Variants in HSD17B12 observed in about 807,000 individuals in gnomAD.
HSD17B12 encodes the protein very-long-chain 3-oxoacyl-CoA reductase.
Under a neutral mutation model 39.3 loss-of-function variants are expected in HSD17B12, and 32 were observed. That is an observed-to-expected ratio of 0.81 (90% CI 0.61 to 1.09). HSD17B12 has a LOEUF of 1.09. HSD17B12 is among the 50% of genes least tolerant of loss of function. The pLI is 0.00. For missense variants in HSD17B12, 342 were observed against 382.9 expected (o/e 0.89, Z 0.89); for synonymous variants, 150 against 146.7 (o/e 1.02, Z -0.16).
the HSD17B12 span, among the ~76,000 whole-genome samples, chr11:43,593,672 A>G: frequency 2.6e-5 from 4 of 152,278 alleles, no homozygotes; most frequent in Middle Eastern, 0.01. Context: ...AAATATAATT[A>G]TAACCTTTAA....
At chr11:43,616,296 T>G in the HSD17B12 span, among the ~76,000 whole-genome samples, 1 of 151,742 alleles carries the variant, frequency 6.6e-6, no homozygotes, top group African/African-American at 2.4e-5. Context: ...TCATCCCAGC[T>G]ACTCTGGAGG....
At chr11:43,757,639 C>CAAAAAAAAAA (rs60598991) in intron 3 of HSD17B12, among the ~76,000 whole-genome samples, 1 of 7,206 alleles carries the variant, frequency 1.4e-4, no homozygotes, top group Non-Finnish European at 3.0e-4. Flanking sequence ...GACTCCGTCT[C>CAAAAAAAAAA]AAAAAAAAAA....
intron 9 of HSD17B12, among the ~76,000 whole-genome samples, chr11:43,844,375 C>T (rs1027216669): frequency 1.6e-4 from 25 of 151,940 alleles, no homozygotes; most frequent in African/African-American, 6.0e-4. Flanking sequence ...TAATCATTTC[C>T]TGGGAATGCA....
In HSD17B12 at chr11:43,715,914, A is replaced by G. The variant is rs537488277; in HGVS notation, c.160+34927A>G. On this transcript the variant is annotated intron_variant, in intron 1 of 10. Coordinates refer to ENST00000278353, the MANE Select transcript of HSD17B12 (RefSeq NM_016142.3). ...AGTCCTCCTGCTAGGTGATAGGTGTATCTGGGATTGAATTATGACTCTGAT... is the reference window on the plus strand; with the variant it reads ...AGTCCTCCTGCTAGGTGATAGGTGTGTCTGGGATTGAATTATGACTCTGAT... 1.8e-3 allele frequency among the ~76,000 whole-genome samples: 267 copies of G among 152,142 alleles called. 2 individuals are homozygous for G. Among genetic ancestry groups the G allele is most frequent in the Non-Finnish European group, 1.7e-3 (114 of 68,044 alleles).
the HSD17B12 span, among the ~76,000 whole-genome samples, chr11:43,619,229 A>ATATATATATATATAAATATATATATATT: frequency 8.0e-5 from 1 of 12,428 alleles, no homozygotes; most frequent in African/African-American, 2.3e-4. Flanking sequence ...TATATATATG[A>ATATATATATATATAAATATATATATATT]TATATATATA....
At chr11:43,652,761 G>A in the HSD17B12 span, among the ~76,000 whole-genome samples, 1 of 152,062 alleles carries the variant, frequency 6.6e-6, no homozygotes, top group Non-Finnish European at 1.5e-5. Flanking sequence ...CACCCTCCAG[G>A]AAACTTCACA....
intron 3 of HSD17B12, among the ~76,000 whole-genome samples, chr11:43,791,120 C>G (rs1950864138): frequency 6.6e-6 from 1 of 152,208 alleles, no homozygotes; most frequent in Non-Finnish European, 1.5e-5. Flanking sequence ...AGGCCAGCAA[C>G]CAGTTGAGTT....
At chr11:43,605,362 G>A in the HSD17B12 span, among the ~76,000 whole-genome samples, 1 of 152,028 alleles carries the variant, frequency 6.6e-6, no homozygotes, top group African/African-American at 2.4e-5. Flanking sequence ...AGGAGTTCGA[G>A]ATCAGCCTGA....
chr11:43,792,411 G>C (rs778844626), intron 3 of HSD17B12, among the ~76,000 whole-genome samples: 4 of 152,006 alleles, frequency 2.6e-5, no homozygotes, highest in African/African-American at 2.4e-5. Context: ...TGCTAAAATT[G>C]GTACGCATTG....
At chr11:43,654,687 T>C in the HSD17B12 span, among the ~76,000 whole-genome samples, 1 of 152,214 alleles carries the variant, frequency 6.6e-6, no homozygotes, top group African/African-American at 2.4e-5. Flanking sequence ...GTCAGGTTTG[T>C]CAAAGATCAG....
At chr11:43,716,430 A>G (rs776404639) in intron 1 of HSD17B12, among the ~76,000 whole-genome samples, 2 of 152,146 alleles carry the variant, frequency 1.3e-5, no homozygotes, top group Admixed American at 1.3e-4. Context: ...AATAATGATA[A>G]AATACTTGAG....
At chr11:43,828,752 T>A (rs1951276574) in intron 6 of HSD17B12, among the ~76,000 whole-genome samples, 1 of 152,194 alleles carries the variant, frequency 6.6e-6, no homozygotes, top group African/African-American at 2.4e-5. Flanking sequence ...CCTGGTATAT[T>A]CATATAAATA....
chr11:43,564,235 G>A, the HSD17B12 span, among the ~76,000 whole-genome samples: 19 of 152,184 alleles, frequency 1.2e-4, no homozygotes, highest in African/African-American at 2.9e-4. Context: ...ACCACATCTT[G>A]AGTATTAATA....
intron 3 of HSD17B12, among the ~76,000 whole-genome samples, chr11:43,763,680 A>G (rs943937034): frequency 5.3e-5 from 8 of 150,446 alleles, no homozygotes; most frequent in African/African-American, 1.9e-4. Flanking sequence ...ACAAGTTAAT[A>G]CTTTCAACTA....
At chr11:43,773,861 A>G (rs1351962747) in intron 3 of HSD17B12, among the ~76,000 whole-genome samples, 1 of 152,210 alleles carries the variant, frequency 6.6e-6, no homozygotes. Context: ...TTGAAAATGG[A>G]ATAGAAAGTA....
the HSD17B12 span, among the ~76,000 whole-genome samples, chr11:43,637,262 C>G: frequency 7.1e-6 from 1 of 141,310 alleles, no homozygotes; most frequent in East Asian, 2.4e-4. Flanking sequence ...CCTCTGTCAC[C>G]CAGGCTGGAG....
chr11:43,788,697 A>C (rs1014059232), intron 3 of HSD17B12, among the ~76,000 whole-genome samples: 2 of 151,716 alleles, frequency 1.3e-5, no homozygotes, highest in African/African-American at 4.8e-5. Context: ...AAAAAAAAAA[A>C]AAAAAAAAAA....
chr11:43,781,887 A>T (rs1468422502), intron 3 of HSD17B12, among the ~76,000 whole-genome samples: 1 of 152,194 alleles, frequency 6.6e-6, no homozygotes, highest in East Asian at 1.9e-4. Context: ...GTATTTGGAA[A>T]CATAATTTTA....
chr11:43,710,839 G>A (rs540756253), intron 1 of HSD17B12, among the ~76,000 whole-genome samples: 42 of 152,120 alleles, frequency 2.8e-4, no homozygotes, highest in African/African-American at 1.0e-3. Flanking sequence ...TGCCCAGACT[G>A]GAGTACAGTG....
Sources: gnomAD v4.1 joint callset for allele counts (sites outside exome capture counted in the v4.1 genomes callset) on GRCh38, gnomAD v4.1.1 for gene constraint, MANE v1.5 for transcripts, NCBI Gene and HGNC (gene_info 2026-07-23, HGNC 2026-07-21) for gene names.